SYNPR: variants seen among roughly 807,000 people sequenced by gnomAD.
SYNPR encodes the protein synaptoporin.
A neutral mutation model predicts 32.9 loss-of-function variants in SYNPR; 23 were observed. The observed-to-expected ratio is 0.70, with a 90% CI of 0.50 to 0.99. The LOEUF is 0.99. SYNPR is among the 50% of genes least tolerant of loss of function. The probability of loss-of-function intolerance (pLI) is 0.00; values close to 1 mark genes in which losing one functional copy is unlikely to be tolerated. For synonymous variants in SYNPR, 146 were observed against 135.9 expected, an observed-to-expected ratio of 1.07 and a Z score of -0.52; for missense variants, 318 against 349.3, an observed-to-expected ratio of 0.91 and a Z score of 0.71.
rs1559546223 is a variant in SYNPR, at chr3:63,595,753, AT to A, written c.409-13371del. 2.1e-3 allele frequency among the ~76,000 whole-genome samples: 95 copies of A among 44,758 alleles called. 3 individuals are homozygous for A. The highest frequency in any genetic ancestry group is 0.012 in the African/African-American group (74 of 6,184). 29.4% of individuals were successfully genotyped at this position (44,758 alleles called of 152,430 possible). A position where few individuals can be genotyped will look rare whatever the true frequency, so the allele number is the denominator to read the frequency against. On this transcript the variant is annotated intron_variant, in intron 4 of 5. Coordinates refer to ENST00000478300, the MANE Select transcript of SYNPR (RefSeq NM_001130003.2). ...TATATATATATATATATATATATAT[AT>A]ATATATATATATATAATTTTATATA...
chr3:63,255,388 C>T lies in SYNPR; in HGVS notation n.154+2802C>T, dbSNP rs141822353. Among the ~76,000 whole-genome samples the T allele has an allele frequency of 1.9e-3, 287 of 152,230 alleles. 1 individual carries two copies. The highest frequency in any genetic ancestry group is 2.6e-3 in the Non-Finnish European group (178 of 68,012). ...CTTTAGCCTGAATAGCCTAGAAAGA[C>T]GGTATCCCTGGGCCTGCCATGTCAG... On this transcript the variant is annotated intron_variant and non_coding_transcript_variant, in intron 2 of 4. Transcript: ENST00000478456.
intron 4 of SYNPR, among the ~76,000 whole-genome samples, chr3:63,608,175 G>A (rs897277118): frequency 3.3e-5 from 5 of 152,070 alleles, no homozygotes; most frequent in African/African-American, 7.2e-5. Flanking sequence ...CACCCCACCC[G>A]AGTCATGAGG....
intron 3 of SYNPR, among the ~76,000 whole-genome samples, chr3:63,272,586 T>C (rs192099628): frequency 6.6e-4 from 101 of 151,974 alleles, no homozygotes; most frequent in African/African-American, 1.9e-3. Flanking sequence ...ACTTGTTTTA[T>C]CTAGGTTTCT....
At chr3:63,313,103 C>G (rs1486336928) in intron 2 of SYNPR, among the ~76,000 whole-genome samples, 6 of 152,008 alleles carry the variant, frequency 3.9e-5, no homozygotes, top group African/African-American at 1.4e-4. Flanking sequence ...ATAATACATT[C>G]AAGGTCTCAC....
At chr3:63,554,111 T>A (rs1245644355) in intron 3 of SYNPR, among the ~76,000 whole-genome samples, 1 of 152,232 alleles carries the variant, frequency 6.6e-6, no homozygotes, top group Non-Finnish European at 1.5e-5. Flanking sequence ...TTAAGTTCTT[T>A]ATAGGTTATG....
At chr3:63,333,474 T>C (rs1021639732) in intron 2 of SYNPR, among the ~76,000 whole-genome samples, 2 of 152,164 alleles carry the variant, frequency 1.3e-5, no homozygotes, top group Non-Finnish European at 2.9e-5. Flanking sequence ...TGGAGTGCAG[T>C]GAAGTGATCA....
the SYNPR span, among the ~76,000 whole-genome samples, chr3:63,217,720 ATCTT>A: frequency 6.6e-6 from 1 of 152,078 alleles, no homozygotes; most frequent in East Asian, 1.9e-4. Context: ...TATTCCTTGA[ATCTT>A]TCTTTAGTTG....
upstream of SYNPR, among the ~76,000 whole-genome samples, chr3:63,277,636 T>A (rs1337915768): frequency 1.3e-5 from 2 of 152,206 alleles, no homozygotes; most frequent in Non-Finnish European, 2.9e-5. Flanking sequence ...CACTGGCGCA[T>A]GGTCCCACAT....
intron 2 of SYNPR, among the ~76,000 whole-genome samples, chr3:63,469,075 T>A (rs1218453798): frequency 6.6e-6 from 1 of 152,084 alleles, no homozygotes; most frequent in Admixed American, 6.6e-5. Context: ...TGATAAAATA[T>A]TTAAATTTTA....
intron 2 of SYNPR, among the ~76,000 whole-genome samples, chr3:63,323,901 T>C (rs2087137433): frequency 6.6e-6 from 1 of 152,108 alleles, no homozygotes; most frequent in Non-Finnish European, 1.5e-5. Flanking sequence ...ATTTCCATTT[T>C]ACTGAGAAGG....
intron 2 of SYNPR, among the ~76,000 whole-genome samples, chr3:63,468,163 C>A (rs1700721149): frequency 7.0e-6 from 1 of 143,590 alleles, no homozygotes. Flanking sequence ...CGTTGCACTC[C>A]AGCCTGGGCA....
intron 4 of SYNPR, among the ~76,000 whole-genome samples, chr3:63,566,710 T>C (rs1260296536): frequency 2.0e-5 from 3 of 152,184 alleles, no homozygotes; most frequent in East Asian, 1.9e-4. Flanking sequence ...CTGATGGTTA[T>C]AGAACCTCTC....
intron 1 of SYNPR, among the ~76,000 whole-genome samples, chr3:63,245,696 AGAGAGAGAGAGAGAGTGTGTGT>A (rs2086280424): frequency 1.3e-5 from 1 of 75,670 alleles, no homozygotes; most frequent in Admixed American, 1.5e-4. Context: ...AGAGAGAGAG[AGAGAGAGAGAGAGAGTGTGTGT>A]GTGTGTGTGT....
intron 1 of SYNPR, chr3:63,252,353 T>C (rs770780578): frequency 2.0e-5 from 3 of 152,212 alleles, no homozygotes; most frequent in African/African-American, 7.2e-5. Context: ...TCATGTTTAG[T>C]GATCCATTAC....
rs887670355 is a variant in SYNPR at position 63,475,933 on chromosome 3, G to A, written c.85-4899G>A. 4.6e-5 allele frequency among the ~76,000 whole-genome samples: 7 copies of A among 151,942 alleles called. No homozygotes were observed. The South Asian group carries it at 1.2e-3, about 27-fold the overall frequency. On this transcript the variant is annotated intron_variant, in intron 2 of 5. Coordinates refer to ENST00000478300, the MANE Select transcript of SYNPR (RefSeq NM_001130003.2). ...GCTGCTAGCATTAATGGCCTCTCGA[G>A]CATCAGTGGTCAAGCAAGGAATACC...
intron 4 of SYNPR, among the ~76,000 whole-genome samples, chr3:63,578,878 T>A (rs2106857532): frequency 6.6e-6 from 1 of 152,258 alleles, no homozygotes; most frequent in African/African-American, 2.4e-5. Context: ...TTGCTAGGAA[T>A]CCTGGAATCA....
At chr3:63,342,095 TTAG>T (rs2087377330) in intron 2 of SYNPR, among the ~76,000 whole-genome samples, 1 of 152,216 alleles carries the variant, frequency 6.6e-6, no homozygotes, top group African/African-American at 2.4e-5. Flanking sequence ...TTCAGTTGTT[TTAG>T]CACCATTTGT....
chr3:63,285,325 C>T (rs972978985), intron 2 of SYNPR, among the ~76,000 whole-genome samples: 5 of 151,906 alleles, frequency 3.3e-5, no homozygotes, highest in African/African-American at 7.3e-5. Context: ...AAAAAGACTT[C>T]GATTACAAAG....
chr3:63,301,612 G>A (rs536563090), intron 2 of SYNPR, among the ~76,000 whole-genome samples: 9 of 151,904 alleles, frequency 5.9e-5, no homozygotes, highest in African/African-American at 2.2e-4. Context: ...CTCCACAAAA[G>A]TAAAAGTATG....
Sources: allele counts gnomAD v4.1 joint callset (sites outside exome capture counted in the v4.1 genomes callset), GRCh38; gene constraint gnomAD v4.1.1; transcripts MANE v1.5; gene names NCBI Gene and HGNC (gene_info 2026-07-23, HGNC 2026-07-21).